Variants in OCA2 observed in about 807,000 individuals in gnomAD.
The protein encoded by OCA2 is P protein.
OCA2 carries 77 observed loss-of-function variants against 100.2 expected under a neutral mutation model. That is an observed-to-expected ratio of 0.77 (90% CI 0.64 to 0.93). OCA2 has a LOEUF of 0.93. OCA2 is among the 40% of genes least tolerant of loss of function. OCA2 has a pLI of 0.00. For synonymous variants in OCA2, 432 were observed against 439.2 expected (o/e 0.98, Z 0.21); for missense variants, 1,062 against 1,089.1 (o/e 0.98, Z 0.35).
At chr15:28,057,327 G>A (rs954434145) in intron 2 of OCA2, among the ~76,000 whole-genome samples, 15 of 152,174 alleles carry the variant, frequency 9.9e-5, no homozygotes, top group South Asian at 4.1e-4. Flanking sequence ...CAATGCTCAT[G>A]GAAATCAACT....
intron 14 of OCA2, among the ~76,000 whole-genome samples, chr15:27,979,334 T>G (rs1018480036): frequency 2.0e-5 from 3 of 152,232 alleles, no homozygotes; most frequent in Non-Finnish European, 2.9e-5. Context: ...ATCCCAAAGT[T>G]AGCTGAGGAG....
chr15:28,032,792 C>CAAAA (rs34369918), intron 2 of OCA2, among the ~76,000 whole-genome samples: 6 of 107,544 alleles, frequency 5.6e-5, no homozygotes, highest in East Asian at 2.7e-4. Context: ...GACTCTGTCT[C>CAAAA]AAAAAAAAAA....
chr15:27,952,500 C>T (rs1030203510), intron 17 of OCA2, among the ~76,000 whole-genome samples: 1 of 152,186 alleles, frequency 6.6e-6, no homozygotes, highest in Non-Finnish European at 1.5e-5. Context: ...TACTGTGCTC[C>T]ACAGGCCATG....
At chr15:27,912,684 G>A (rs2038442692) in intron 19 of OCA2, among the ~76,000 whole-genome samples, 1 of 152,088 alleles carries the variant, frequency 6.6e-6, no homozygotes, top group African/African-American at 2.4e-5. Flanking sequence ...TCATCATTAG[G>A]CAAACTCTAC....
intron 2 of OCA2, among the ~76,000 whole-genome samples, chr15:28,070,322 AG>A (rs1190928775): frequency 2.2e-5 from 3 of 134,576 alleles, no homozygotes; most frequent in Non-Finnish European, 4.7e-5. Flanking sequence ...GGGGGGGGTC[AG>A]CCCCCCGCCC....
intron 19 of OCA2, among the ~76,000 whole-genome samples, chr15:27,923,529 T>C (rs1355031416): frequency 6.6e-6 from 1 of 152,246 alleles, no homozygotes; most frequent in Admixed American, 6.5e-5. Flanking sequence ...CATGTGTTAT[T>C]TGTTGACTCT....
chr15:27,920,196 A>G (rs751698722), intron 19 of OCA2, among the ~76,000 whole-genome samples: 1 of 152,178 alleles, frequency 6.6e-6, no homozygotes, highest in Non-Finnish European at 1.5e-5. Flanking sequence ...ATTCAACTGT[A>G]TGCTGTCTAC....
chr15:28,001,350 C>T (rs761365990), intron 9 of OCA2, among the ~76,000 whole-genome samples: 27 of 152,042 alleles, frequency 1.8e-4, no homozygotes, highest in Non-Finnish European at 2.5e-4. Context: ...ACAACATGGA[C>T]GAACCTGAAT....
At chr15:27,899,683 C>T in intron 19 of OCA2, among the ~76,000 whole-genome samples, 1 of 152,156 alleles carries the variant, frequency 6.6e-6, no homozygotes, top group East Asian at 1.9e-4. Flanking sequence ...TGCTCCATTA[C>T]CCAGAAGCAG....
chr15:27,921,551 A>C (rs2140336447), intron 19 of OCA2, among the ~76,000 whole-genome samples: 1 of 152,190 alleles, frequency 6.6e-6, no homozygotes, highest in South Asian at 2.1e-4. Context: ...ACACAAACTG[A>C]CCCTCAAACA....
intron 14 of OCA2, among the ~76,000 whole-genome samples, chr15:27,980,826 A>G (rs1270161551): frequency 6.6e-6 from 1 of 152,170 alleles, no homozygotes; most frequent in Non-Finnish European, 1.5e-5. Context: ...TTGCTTTCAA[A>G]TAATTTGATT....
At chr15:27,807,086 C>T (rs925385974) in intron 23 of OCA2, among the ~76,000 whole-genome samples, 1 of 67,568 alleles carries the variant, frequency 1.5e-5, no homozygotes, top group Non-Finnish European at 2.4e-5. Context: ...TTGACCTAGT[C>T]ACCCCCGGCC....
rs1566993385 is a variant in OCA2, at chr15:27,823,396, CG to C, written c.2432+21562del. On this transcript the variant is annotated intron_variant, in intron 23 of 23. Transcript: ENST00000354638. ...GGATTTGTATAAATAAGTCATATGC[CG>C]ATTATAGTGATTATGTTATTTGCTG... 4.6e-5 allele frequency among the ~76,000 whole-genome samples: 7 copies of C among 151,504 alleles called. No individual in the cohort carries two copies. In the South Asian group the frequency reaches 1.2e-3, roughly 27 times the overall value.
At chr15:27,951,377 A>G (rs115936615) in intron 18 of OCA2, among the ~76,000 whole-genome samples, 1,543 of 152,316 alleles carry the variant, frequency 0.01, 28 homozygotes, top group African/African-American at 0.035. Context: ...TCCCGAACAG[A>G]CTGTCACCTA....
chr15:27,928,556 C>T (rs1363387057), intron 18 of OCA2, among the ~76,000 whole-genome samples: 1 of 152,130 alleles, frequency 6.6e-6, no homozygotes, highest in African/African-American at 2.4e-5. Flanking sequence ...TGTCTGGAGG[C>T]TCTAGGGGAG....
intron 21 of OCA2, among the ~76,000 whole-genome samples, chr15:27,868,962 C>T (rs532397160): frequency 2.0e-5 from 3 of 152,304 alleles, no homozygotes; most frequent in Non-Finnish European, 2.9e-5. Context: ...GAGACCTCGA[C>T]GCCCACCCAC....
At chr15:28,072,208 A>G (rs2044282002) in intron 2 of OCA2, among the ~76,000 whole-genome samples, 1 of 151,748 alleles carries the variant, frequency 6.6e-6, no homozygotes, top group Non-Finnish European at 1.5e-5. Flanking sequence ...TCTACTAAAA[A>G]TACAAAAAAA....
chr15:27,893,084 A>C (rs2037532535), intron 19 of OCA2, among the ~76,000 whole-genome samples: 1 of 152,244 alleles, frequency 6.6e-6, no homozygotes, highest in Non-Finnish European at 1.5e-5. Flanking sequence ...TTTTAAAAAA[A>C]GATTCCAGAC....
At position 27,913,917 on chromosome 15, in the gene OCA2, AAGCAAGCAAGC is replaced by A. The variant is rs1567099045; in HGVS notation, c.2079+12199_2079+12209del. 3.6e-5 allele frequency among the ~76,000 whole-genome samples: 2 copies of A among 55,334 alleles called. 1 individual carries two copies. The highest frequency in any genetic ancestry group is 1.8e-4 in the African/African-American group (2 of 10,864). The allele number at this position is 55,334 out of a possible 152,430, so 36.3% of individuals were successfully genotyped here. A position where few individuals can be genotyped will look rare whatever the true frequency, so the allele number is the denominator to read the frequency against. ...AAAGCAAGCAAGCAAGCAAGCAAGC[AAGCAAGCAAGC>A]AAGAAAGAAAGAAAAAAATTTCAGG... is the stretch of plus-strand genomic sequence containing the variant. On this transcript the variant is annotated intron_variant, in intron 19 of 23. Coordinates refer to ENST00000354638, the MANE Select transcript of OCA2 (RefSeq NM_000275.3).
Sources: allele counts gnomAD v4.1 joint callset (sites outside exome capture counted in the v4.1 genomes callset), GRCh38; gene constraint gnomAD v4.1.1; transcripts MANE v1.5; gene names NCBI Gene and HGNC (gene_info 2026-07-23, HGNC 2026-07-21).